Variants in PIGS observed in about 807,000 individuals in gnomAD.
The protein encoded by PIGS is GPI-anchor transamidase component PIGS.
PIGS carries 37 observed loss-of-function variants against 58.2 expected under a neutral mutation model. The ratio of observed to expected loss-of-function variants is 0.64; its 90% CI spans 0.49 to 0.84. The LOEUF (loss-of-function observed/expected upper bound fraction) is 0.84, where lower values mean the gene tolerates loss of function less well. Among genes scored for constraint, PIGS ranks in the 40% least tolerant of loss-of-function variants. The pLI is 0.00. For synonymous variants in PIGS, 269 were observed against 289.2 expected (o/e 0.93, Z 0.71); for missense variants, 629 against 710.8 (o/e 0.88, Z 1.31).
chr17:28,558,988 CT>C (rs532395698), intron 7 of PIGS, among the ~76,000 whole-genome samples: 7 of 149,636 alleles, frequency 4.7e-5, no homozygotes, highest in Non-Finnish European at 6.0e-5. Context: ...TTCTTCACAT[CT>C]TTTTTTTTTG....
At chr17:28,563,235 G>A (rs957848993) in intron 5 of PIGS, among the ~76,000 whole-genome samples, 196 bp downstream of exon 5, 4 of 151,994 alleles carry the variant, frequency 2.6e-5, no homozygotes, top group African/African-American at 9.7e-5. Context: ...GGAGGCTGCA[G>A]TGAGCCGAGA....
intron 7 of PIGS, among the ~76,000 whole-genome samples, chr17:28,559,578 G>A (rs2070350147): frequency 1.3e-5 from 2 of 151,628 alleles, no homozygotes; most frequent in Non-Finnish European, 2.9e-5. Context: ...GCACGCACCT[G>A]TAATCCCAGC....
At chr17:28,562,978 G>C (rs2286518) in intron 5 of PIGS, among the ~76,000 whole-genome samples, 14,881 of 152,120 alleles carry the variant, frequency 0.098, 753 homozygotes, top group South Asian at 0.15. Flanking sequence ...TGGGATTACA[G>C]TGTGAGCCAC....
rs759128777 is a variant in PIGS at position 28,561,609 on chromosome 17, C to A, written c.489G>T (p.Gly163=). 3 of 1,612,772 alleles carry A rather than the reference C, an allele frequency of 1.9e-6. No homozygotes were observed. The highest frequency in any genetic ancestry group is 1.7e-6 in the Non-Finnish European group (2 of 1,179,384). ...LLPQDMMSYI[G]PKRTAVVRGI... is the part of the protein sequence containing the mutation. Reference sequence around the variant, plus strand: ...CCCGCACCACTGCTGTCCTCTTGGGCCCAATGTAGCTCATCATGTCCTGTG... The same window carrying A: ...CCCGCACCACTGCTGTCCTCTTGGGACCAATGTAGCTCATCATGTCCTGTG... Residue 163 remains glycine, a synonymous_variant, in exon 6 of 12, where the codon GGG becomes GGT. Coordinates refer to ENST00000308360, the MANE Select transcript of PIGS (RefSeq NM_033198.4).
At chr17:28,554,522 A>T in intron 11 of PIGS, 27 bp from the exon 12 acceptor site, 1 of 1,608,038 alleles carries the variant, frequency 6.2e-7, no homozygotes, top group South Asian at 1.1e-5. Context: ...ACAAGAGGGT[A>T]TACCAGTAAG....
At chr17:28,567,950 A>T (rs2151514491) in intron 3 of PIGS, among the ~76,000 whole-genome samples, 1 of 152,192 alleles carries the variant, frequency 6.6e-6, no homozygotes, top group East Asian at 1.9e-4. Flanking sequence ...CTCGCCTTTT[A>T]GGTATTTACT....
At chr17:28,560,015 T>G (rs144845508) in intron 7 of PIGS, 34 bp downstream of exon 7, 2 of 1,578,560 alleles carry the variant, frequency 1.3e-6, no homozygotes, top group Non-Finnish European at 1.7e-6. Context: ...GTATAGACAT[T>G]GAAAAGGACT....
rs550700089 is a variant in PIGS, at chr17:28,554,886, T to C, written c.1357A>G (p.Ser453Gly). 9.3e-6 allele frequency: 15 copies of C among 1,614,172 alleles called. No individual in the cohort carries two copies. In the Admixed American group the frequency reaches 1.8e-4, roughly 20 times the overall value. The change falls in exon 11 of 12, where the codon AGC becomes GGC. Residue 453 changes from serine (S) to glycine (G), a missense_variant. Transcript: ENST00000308360. ...TSLAQLLGKI[S>G]NIVIKDDVAS... ...ACGTCGTCCTTAATGACAATGTTGC[T>C]GATCTTGCCCAGAAGCTGCGCCAGG...
intron 10 of PIGS, chr17:28,555,724 A>C (rs1567614338): frequency 1.1e-5 from 2 of 177,494 alleles, no homozygotes; most frequent in African/African-American, 4.8e-5. Context: ...TAATCCCAGC[A>C]CTTTGGGAGG....
rs754766866 is a variant in PIGS at position 28,561,530 on chromosome 17, C to T, written c.568G>A (p.Ala190Thr). The T allele has an allele frequency of 1.9e-6, 3 of 1,614,072 alleles. No homozygotes were observed. Among genetic ancestry groups the T allele is most frequent in the Non-Finnish European group, 2.5e-6 (3 of 1,179,974 alleles). The change falls in exon 6 of 12, where the codon GCC becomes ACC. Residue 190 changes from alanine to threonine, a missense_variant. Ala to Thr is a moderately conservative substitution (Grantham distance 58). Coordinates refer to ENST00000308360, the MANE Select transcript of PIGS (RefSeq NM_033198.4). Reference sequence around the variant, plus strand: ...TCCTCAGTCAAAGACATGGCCTGGGCCACCTGGACTATGCGGCGGCCAATG... The same window carrying T: ...TCCTCAGTCAAAGACATGGCCTGGGTCACCTGGACTATGCGGCGGCCAATG... Reference protein sequence around the residue: ...NIIGRRIVQVAQAMSLTEDVL... With the variant: ...NIIGRRIVQVTQAMSLTEDVL...
Position 28,554,990 on chromosome 17 carries a change from A to G in PIGS, c.1253T>C (p.Leu418Pro). The G allele has an allele frequency of 6.2e-7, 1 of 1,611,102 alleles. No individual in the cohort carries two copies. The highest frequency in any genetic ancestry group is 1.1e-5 in the South Asian group (1 of 90,664). ...CAGCCGGTCTAGCTCCCAGGTCATT[A>G]GCCCTTCACTCGTAGGCCCTGAAAG... ...CLLSGPTSEG[L>P]MTWELDRLLW... The change falls in exon 11 of 12, where the codon CTA becomes CCA. Residue 418 changes from leucine (L) to proline (P), a missense_variant. By Grantham distance (98) the Leu-to-Pro change is moderately conservative (BLOSUM62 -3). Coordinates refer to ENST00000308360, the MANE Select transcript of PIGS (RefSeq NM_033198.4).
chr17:28,560,489 C>A, intron 6 of PIGS: 3 of 297,382 alleles, frequency 1.0e-5, no homozygotes, highest in Non-Finnish European at 1.2e-5. Flanking sequence ...ACTGAAAATA[C>A]AAATATCGGC....
chr17:28,556,022 G>A (rs2070325048), intron 10 of PIGS, 144 bp downstream of exon 10: 2 of 676,990 alleles, frequency 3.0e-6, no homozygotes, highest in South Asian at 1.8e-5. Flanking sequence ...GAAGGATGAT[G>A]GGATCCTTAG....
At chr17:28,569,056 C>T (rs968195038) in intron 3 of PIGS, among the ~76,000 whole-genome samples, 8 of 146,914 alleles carry the variant, frequency 5.4e-5, no homozygotes, top group Non-Finnish European at 1.0e-4. Context: ...AAAATCGTGC[C>T]ATTGCGCTCC....
rs1403512368 is a variant in PIGS at position 28,560,106 on chromosome 17, A to G, written c.762T>C (p.Tyr254=). ...CGAGGGCATTCAGGAAAGGTTGCAC[A>G]TAGCGCCGGACAGCCCCCTCAATGT... ...YWDIEGAVRR[Y]VQPFLNALGA... The change falls in exon 7 of 12, where the codon TAT becomes TAC. Residue 254 remains tyrosine, a synonymous_variant. Transcript: ENST00000308360. 3.7e-6 allele frequency: 6 copies of G among 1,613,394 alleles called. No individual in the cohort carries two copies. The highest frequency in any genetic ancestry group is 5.1e-6 in the Non-Finnish European group (6 of 1,179,768).
In PIGS at chr17:28,562,343, G is replaced by A. The variant is rs541434696; in HGVS notation, c.469-714C>T. ...GAGTATAACCATGGAAGTACACACC[G>A]TGCTACTGCACTGCAGTTTGTGAGC... On this transcript the variant is annotated intron_variant, in intron 5 of 11. Transcript: ENST00000308360. 1.5e-3 allele frequency among the ~76,000 whole-genome samples: 223 copies of A among 152,332 alleles called. 2 individuals carry two copies. The highest frequency in any genetic ancestry group is 2.8e-3 in the Non-Finnish European group (190 of 68,042).
Position 28,558,491 on chromosome 17 carries a change from C to T in PIGS, c.919G>A (p.Val307Met). The T allele has an allele frequency of 6.2e-7, 1 of 1,612,516 alleles. No homozygotes were observed. The highest frequency in any genetic ancestry group is 8.5e-7 in the Non-Finnish European group (1 of 1,179,326). ...MHSLPHVINP[V>M]ESRLGSSAAS... ...AGGTGCTCACCCAGCCGGGACTCCA[C>T]TGGGTTGATGACATGGGGGAGGCTG... The change falls in exon 8 of 12, where the codon GTG becomes ATG. Residue 307 changes from valine to methionine, a missense_variant. Physicochemically the swap from Val to Met is conservative, Grantham distance 21. Transcript: ENST00000308360.
rs145646321 is a variant in PIGS, at chr17:28,561,967, G to A, written c.469-338C>T. ...AACTGGAGAGTCTGATATAAAAATG[G>A]CACATGGCAAAGAAACAAGTATTCA... On this transcript the variant is annotated intron_variant, in intron 5 of 11. Coordinates refer to ENST00000308360, the MANE Select transcript of PIGS (RefSeq NM_033198.4). 1.8e-3 allele frequency among the ~76,000 whole-genome samples: 277 copies of A among 152,276 alleles called. 2 individuals carry two copies. The highest frequency in any genetic ancestry group is 5.8e-3 in the African/African-American group (242 of 41,544).
At chr17:28,570,506 G>C (rs1245814510) in intron 3 of PIGS, among the ~76,000 whole-genome samples, 1 of 152,174 alleles carries the variant, frequency 6.6e-6, no homozygotes, top group Admixed American at 6.5e-5. Context: ...GCGAAGCTCC[G>C]TCTCAAAATA....
Sources: allele counts gnomAD v4.1 joint callset (sites outside exome capture counted in the v4.1 genomes callset), GRCh38; gene constraint gnomAD v4.1.1; transcripts MANE v1.5; gene names NCBI Gene and HGNC (gene_info 2026-07-23, HGNC 2026-07-21).